OSBPL1A: variants seen among roughly 807,000 people sequenced by gnomAD.
OSBPL1A encodes oxysterol binding protein like 1A.
Under a neutral mutation model 137.1 loss-of-function variants are expected in OSBPL1A, and 80 were observed. The observed-to-expected ratio is 0.58, with a 90% CI of 0.49 to 0.70. The LOEUF is 0.70. Among genes scored for constraint, OSBPL1A ranks in the 30% least tolerant of loss-of-function variants. The probability of loss-of-function intolerance (pLI) is 0.00; values close to 1 mark genes in which losing one functional copy is unlikely to be tolerated. For missense variants in OSBPL1A, 970 were observed against 1,129.4 expected (o/e 0.86, Z 2.02); for synonymous variants, 365 against 389.7 (o/e 0.94, Z 0.75).
chr18:24,355,261 T>C (rs45624945), intron 4 of OSBPL1A, among the ~76,000 whole-genome samples: 10,916 of 151,870 alleles, frequency 0.072, 429 homozygotes, highest in Middle Eastern at 0.095. Context: ...CCCAGCACTT[T>C]GGGAGGCCGA....
chr18:24,327,871 GT>G (rs1017021857), intron 7 of OSBPL1A, among the ~76,000 whole-genome samples: 85 of 146,756 alleles, frequency 5.8e-4, no homozygotes, highest in Middle Eastern at 3.6e-3. Context: ...TACAAGGGAA[GT>G]TTTTTTTTTT....
chr18:24,348,394 C>G (rs537673418), intron 4 of OSBPL1A, among the ~76,000 whole-genome samples: 2 of 152,158 alleles, frequency 1.3e-5, no homozygotes, highest in East Asian at 3.9e-4. Context: ...AAAAATCATA[C>G]GAGGAAGGTA....
chr18:24,220,724 G>A lies in OSBPL1A; in HGVS notation c.1601+4318C>T, dbSNP rs143961361. ...GGGCACCAGAGGATCTCTGGGTGGG[G>A]TGACTTGCTGCTAACTCTATTCCCT... is the stretch of plus-strand genomic sequence containing the variant. On this transcript the variant is annotated intron_variant, in intron 17 of 27. Coordinates refer to ENST00000319481, the MANE Select transcript of OSBPL1A (RefSeq NM_080597.4). 3.7e-3 allele frequency among the ~76,000 whole-genome samples: 563 copies of A among 152,248 alleles called. 4 individuals are homozygous for A. The highest frequency in any genetic ancestry group is 6.8e-3 in the Middle Eastern group (2 of 294).
rs1479975151 is a variant in OSBPL1A at position 24,324,769 on chromosome 18, G to C, written c.626-5960C>G. 3.4e-5 allele frequency among the ~76,000 whole-genome samples: 5 copies of C among 146,646 alleles called. No homozygotes were observed. The Admixed American group carries it at 3.4e-4, about 10-fold the overall frequency. On this transcript the variant is annotated intron_variant, in intron 7 of 27. Coordinates refer to ENST00000319481, the MANE Select transcript of OSBPL1A (RefSeq NM_080597.4). ...ACTGCACTCCATCCTGGGCGACAGA[G>C]CGAGACTCTGTCTATTAAAAAAAAA...
At chr18:24,343,042 A>C (rs1177369183) in intron 4 of OSBPL1A, among the ~76,000 whole-genome samples, 4 of 152,060 alleles carry the variant, frequency 2.6e-5, no homozygotes, top group African/African-American at 7.2e-5. Flanking sequence ...TAATTAAAGA[A>C]AGTAGAGTAA....
Position 24,253,169 on chromosome 18 carries a change from G to GC in OSBPL1A, c.1282-13788_1282-13787insG, listed in dbSNP as rs906462777. ...AACTCTCCAATGAAAAGACATGGCGGGGGGGGGCGCTGAATGGATGAAAAA... is the reference window on the plus strand; with the variant it reads ...AACTCTCCAATGAAAAGACATGGCGGCGGGGGGGCGCTGAATGGATGAAAAA... On this transcript the variant is annotated intron_variant, in intron 15 of 27. Transcript: ENST00000319481. Among the ~76,000 whole-genome samples, 19 of 141,758 alleles carry GC rather than the reference G, an allele frequency of 1.3e-4. 2 individuals are homozygous for GC. The highest frequency in any genetic ancestry group is 7.0e-4 in the Admixed American group (10 of 14,214). 93.0% of individuals were successfully genotyped at this position (141,758 alleles called of 152,430 possible).
intron 17 of OSBPL1A, among the ~76,000 whole-genome samples, chr18:24,203,742 T>C (rs2087288976): frequency 1.3e-5 from 2 of 152,340 alleles, no homozygotes; most frequent in South Asian, 2.1e-4. Flanking sequence ...ATGTAGAGCA[T>C]GCATGTGTGC....
In OSBPL1A at chr18:24,172,478, T is replaced by C. The variant is rs958206167; in HGVS notation, c.2099A>G (p.Asn700Ser). 9 of 1,612,444 alleles carry C rather than the reference T, an allele frequency of 5.6e-6. No individual in the cohort carries two copies. The highest frequency in any genetic ancestry group is 6.8e-6 in the Non-Finnish European group (8 of 1,178,852). The change falls in exon 22 of 28, where the codon AAT becomes AGT. Residue 700 changes from asparagine (N) to serine (S), a missense_variant. By Grantham distance (46) the Asn-to-Ser change is conservative. Coordinates refer to ENST00000319481, the MANE Select transcript of OSBPL1A (RefSeq NM_080597.4). ...GTITLELLEHNEAYTWTNPTC... is the reference protein window; with the variant it reads ...GTITLELLEHSEAYTWTNPTC... ...GGGATTTGTCCATGTATATGCCTCA[T>C]TGTGTCTAAAAAACAAAACCAAACC...
intron 13 of OSBPL1A, among the ~76,000 whole-genome samples, chr18:24,310,632 AAAG>A (rs2090605737): frequency 1.3e-5 from 2 of 151,378 alleles, no homozygotes; most frequent in African/African-American, 2.4e-5. Flanking sequence ...AGAAAAAAAA[AAAG>A]AAGAAATATT....
At position 24,163,176 on chromosome 18, in the gene OSBPL1A, A is replaced by AT. The variant is rs1213894036; in HGVS notation, c.*2dup. On this transcript the variant is annotated 3_prime_UTR_variant, in exon 28 of 28. Transcript: ENST00000319481. ...TAGCCAAACACCCTGACTTGTATGC[A>AT]TTTTAATAAATGTCAGGCAAATTGA... 20 of 1,596,502 alleles carry AT rather than the reference A, an allele frequency of 1.3e-5. No homozygotes were observed. Among genetic ancestry groups the AT allele is most frequent in the Non-Finnish European group, 1.7e-5 (20 of 1,164,666 alleles).
At chr18:24,237,160 C>A (rs1380195156) in intron 16 of OSBPL1A, among the ~76,000 whole-genome samples, 1 of 152,086 alleles carries the variant, frequency 6.6e-6, no homozygotes, top group Non-Finnish European at 1.5e-5. Context: ...GAGAGTATAT[C>A]CGGCTGTTAA....
Position 24,171,405 on chromosome 18 carries a change from T to A in OSBPL1A, c.2291+4A>T. ...CTATTCAACATTTAAAAGAGAAATT[T>A]TACCTTTTATCTTGAATGTAGCCTT... On this transcript the variant is annotated splice_donor_region_variant and intron_variant, in intron 23 of 27. Transcript: ENST00000319481. 1 of 1,598,502 alleles carries A rather than the reference T, an allele frequency of 6.3e-7. No homozygotes were observed. Among genetic ancestry groups the A allele is most frequent in the Non-Finnish European group, 8.5e-7 (1 of 1,171,754 alleles).
intron 7 of OSBPL1A, 90 bp downstream of exon 7, chr18:24,332,852 C>A: frequency 6.9e-7 from 1 of 1,459,512 alleles, no homozygotes; most frequent in Admixed American, 1.9e-5. Flanking sequence ...TTAACAAAGG[C>A]TGGATACTGA....
intron 26 of OSBPL1A, among the ~76,000 whole-genome samples, chr18:24,165,953 C>T (rs112087245): frequency 0.019 from 2,923 of 152,076 alleles, 70 homozygotes; most frequent in African/African-American, 0.058. Context: ...AAAAATTAGC[C>T]GGGTGTGGTG....
In OSBPL1A at chr18:24,238,781, T is replaced by C. The variant is rs574517679; in HGVS notation, c.1444+439A>G. ...AGACACATGGTGGTCTCACCTCTAC[T>C]GTGGCACTTAGCATACTGTGCTATC... On this transcript the variant is annotated intron_variant, in intron 16 of 27. Transcript: ENST00000319481. 6.6e-5 allele frequency among the ~76,000 whole-genome samples: 10 copies of C among 152,326 alleles called. No individual in the cohort carries two copies. The South Asian group carries it at 2.1e-3, about 32-fold the overall frequency.
At chr18:24,287,308 T>C (rs1409479938) in intron 14 of OSBPL1A, among the ~76,000 whole-genome samples, 1 of 152,212 alleles carries the variant, frequency 6.6e-6, no homozygotes, top group African/African-American at 2.4e-5. Flanking sequence ...TAACTAGGGT[T>C]GAGCCACATA....
At chr18:24,251,278 G>A (rs763780015) in intron 15 of OSBPL1A, among the ~76,000 whole-genome samples, 8 of 152,200 alleles carry the variant, frequency 5.3e-5, no homozygotes, top group Admixed American at 5.2e-4. Context: ...GTGGTAGACA[G>A]GTAGTGGTTA....
At chr18:24,382,805 A>G (rs1906692786) in intron 1 of OSBPL1A, among the ~76,000 whole-genome samples, 2 of 151,852 alleles carry the variant, frequency 1.3e-5, no homozygotes, top group Non-Finnish European at 2.9e-5. Flanking sequence ...GAGCTCAGGA[A>G]GTTGAGACTG....
In OSBPL1A at chr18:24,183,618, T is replaced by C. The variant is rs570423911; in HGVS notation, c.1678-2339A>G. On this transcript the variant is annotated intron_variant, in intron 18 of 27. Transcript: ENST00000319481. ...TGGCTAATTTTTTTTTTATTTTTAG[T>C]AGAGACGGGGTTTCACCATGTTGGC... is the stretch of plus-strand genomic sequence containing the variant. Among the ~76,000 whole-genome samples, 8 of 150,976 alleles carry C rather than the reference T, an allele frequency of 5.3e-5. No individual in the cohort carries two copies. The East Asian group carries it at 1.2e-3, about 22-fold the overall frequency.
Sources: gnomAD v4.1 joint callset for allele counts (sites outside exome capture counted in the v4.1 genomes callset) on GRCh38, gnomAD v4.1.1 for gene constraint, MANE v1.5 for transcripts, NCBI Gene and HGNC (gene_info 2026-07-23, HGNC 2026-07-21) for gene names.